SNX5: variants seen among roughly 807,000 people sequenced by gnomAD.
The protein encoded by SNX5 is sorting nexin 5, also known as sorting nexin-5.
In SNX5, 31 loss-of-function variants were observed where a neutral mutation model predicts 53.9. That is an observed-to-expected ratio of 0.58 (90% CI 0.43 to 0.78). The LOEUF (loss-of-function observed/expected upper bound fraction) is 0.78, where lower values mean the gene tolerates loss of function less well. SNX5 is among the 30% of genes least tolerant of loss of function. The probability of loss-of-function intolerance (pLI) is 0.00; values close to 1 mark genes in which losing one functional copy is unlikely to be tolerated. For synonymous variants in SNX5, 168 were observed against 171.1 expected (o/e 0.98, Z 0.14); for missense variants, 471 against 478.8 (o/e 0.98, Z 0.15).
intron 1 of SNX5, chr20:17,961,780 AG>A: frequency 1.0e-6 from 1 of 985,470 alleles, no homozygotes; most frequent in Non-Finnish European, 1.2e-6. Flanking sequence ...TAAGAAACTA[AG>A]ATTTTGCCAG....
Position 17,967,343 on chromosome 20 carries a change from C to CAAAAA in SNX5, c.51+1027_51+1031dup, listed in dbSNP as rs11471715. Among the ~76,000 whole-genome samples, 79 of 146,748 alleles carry CAAAAA rather than the reference C, an allele frequency of 5.4e-4. 1 individual carries two copies. The highest frequency in any genetic ancestry group is 1.9e-3 in the African/African-American group (75 of 40,044). ...CTTTGTTTTAGTAATAAAGAACTTTCAAAAAAAAAACCACTCTAAACAACA... is the reference window on the plus strand; with the variant it reads ...CTTTGTTTTAGTAATAAAGAACTTTCAAAAAAAAAAAAAAACCACTCTAAACAACA... On this transcript the variant is annotated intron_variant, in intron 1 of 12. Transcript: ENST00000377759.
intron 1 of SNX5, among the ~76,000 whole-genome samples, chr20:17,965,412 A>G (rs1283741568): frequency 1.3e-5 from 2 of 152,214 alleles, no homozygotes; most frequent in African/African-American, 4.8e-5. Flanking sequence ...CAGCTCAGAA[A>G]CAAATCTAGA....
In SNX5 at chr20:17,943,387, T is replaced by C. The variant is rs2039443899; in HGVS notation, c.1079-192A>G. 6.9e-5 allele frequency: 38 copies of C among 550,152 alleles called. 1 individual carries two copies. In the South Asian group the frequency reaches 7.7e-4, roughly 11 times the overall value. The allele number at this position is 550,152 out of a possible 1,614,324, so 34.1% of individuals were successfully genotyped here. ...TTAACTGTGGTGATACAGCTATCAC[T>C]GTCTTTAAGTGGAAAACATCACTGA... On this transcript the variant is annotated intron_variant, in intron 11 of 12. Transcript: ENST00000377759.
At chr20:17,968,270 T>TGGCGGCGAGC (rs1316144110) in intron 1 of SNX5, 105 bp downstream of exon 1, 11 of 983,250 alleles carry the variant, frequency 1.1e-5, no homozygotes, top group Middle Eastern at 3.6e-4. Flanking sequence ...GCGCTGGGGA[T>TGGCGGCGAGC]GGCGGCGAGC....
At chr20:17,944,908 GAACA>G (rs935715678) in intron 11 of SNX5, 14 of 152,162 alleles carry the variant, frequency 9.2e-5, no homozygotes, top group African/African-American at 3.4e-4. Flanking sequence ...TTGGAAATTG[GAACA>G]AACCAAGAAT....
intron 10 of SNX5, among the ~76,000 whole-genome samples, chr20:17,948,129 A>G (rs761300544): frequency 3.1e-4 from 47 of 152,242 alleles, no homozygotes; most frequent in Non-Finnish European, 5.1e-4. Context: ...ACAGAGTAGA[A>G]GTTACTTTAG....
chr20:17,950,342 T>C lies in SNX5; in HGVS notation c.664A>G (p.Arg222Gly). The part of the protein sequence containing the change: ...EKNFLINYYN[R>G]IKDSCVKADK... Reference sequence around the variant, plus strand: ...GCTTTCACACAAGAATCTTTGATCCTATTGTAATAGTTAATAAGGAAGTTC... The same window carrying C: ...GCTTTCACACAAGAATCTTTGATCCCATTGTAATAGTTAATAAGGAAGTTC... The change falls in exon 7 of 13, where the codon AGG becomes GGG. Residue 222 changes from arginine to glycine, a missense_variant. By Grantham distance (125) the Arg-to-Gly change is moderately radical. Transcript: ENST00000377759. The C allele has an allele frequency of 6.2e-7, 1 of 1,613,706 alleles. No homozygotes were observed. The highest frequency in any genetic ancestry group is 8.5e-7 in the Non-Finnish European group (1 of 1,179,576).
intron 11 of SNX5, 100 bp downstream of exon 11, chr20:17,947,386 G>A: frequency 7.7e-7 from 1 of 1,302,584 alleles, no homozygotes; most frequent in East Asian, 2.3e-5. Context: ...CTGACACTGG[G>A]TGAAGGATAC....
At chr20:17,950,025 G>T in intron 8 of SNX5, 107 bp downstream of exon 8, 2 of 893,558 alleles carry the variant, frequency 2.2e-6, no homozygotes, top group Non-Finnish European at 3.5e-6. Flanking sequence ...TACTGAGCTT[G>T]TAACTCCAGA....
intron 3 of SNX5, 81 bp from the exon 4 acceptor site, chr20:17,954,198 G>A: frequency 1.3e-6 from 2 of 1,567,338 alleles, no homozygotes; most frequent in East Asian, 2.3e-5. Context: ...ACTCTTGCTG[G>A]TCCACAGGAG....
chr20:17,944,471 G>A (rs1440581519), intron 11 of SNX5: 2 of 152,192 alleles, frequency 1.3e-5, no homozygotes, highest in Non-Finnish European at 2.9e-5. Flanking sequence ...ATCCAAAACA[G>A]TGAAAAACTG....
intron 11 of SNX5, chr20:17,943,464 G>A (rs750257053): frequency 2.0e-5 from 8 of 401,340 alleles, no homozygotes; most frequent in Admixed American, 1.2e-4. Flanking sequence ...TGGAGAACAC[G>A]TTGATGAGCA....
At position 17,947,621 on chromosome 20, in the gene SNX5, C is replaced by A. The variant is rs754185526; in HGVS notation, c.943G>T (p.Ala315Ser). The stretch of plus-strand genomic sequence containing the variant: ...TTTGAGTTCTCATAGTCAATGAGGG[C>A]TTTGGTGCGTCTGTATAAGAGATCC... The part of the protein sequence containing the change: ...AKDLLYRRTK[A>S]LIDYENSNKA... Residue 315 changes from alanine (A) to serine (S), a missense_variant, in exon 11 of 13, where the codon GCC becomes TCC. Transcript: ENST00000377759. 1 of 1,613,716 alleles carries A rather than the reference C, an allele frequency of 6.2e-7. No individual in the cohort carries two copies. Among genetic ancestry groups the A allele is most frequent in the Non-Finnish European group, 8.5e-7 (1 of 1,179,864 alleles).
chr20:17,942,299 T>A lies in SNX5; in HGVS notation c.*58A>T. Reference sequence around the variant, plus strand: ...ATATCTTCCGTGGTAATGATTTAAGTGCAAGTGATGCTTGGCTTTCTTTCA... The same window carrying A: ...ATATCTTCCGTGGTAATGATTTAAGAGCAAGTGATGCTTGGCTTTCTTTCA... On this transcript the variant is annotated 3_prime_UTR_variant, in exon 13 of 13. Transcript: ENST00000377759. 1 of 1,071,988 alleles carries A rather than the reference T, an allele frequency of 9.3e-7. No homozygotes were observed. The highest frequency in any genetic ancestry group is 2.4e-5 in the East Asian group (1 of 42,380). 66.4% of individuals were successfully genotyped at this position (1,071,988 alleles called of 1,614,324 possible).
intron 1 of SNX5, chr20:17,961,202 T>C (rs566107477): frequency 1.0e-6 from 1 of 985,440 alleles, no homozygotes; most frequent in African/African-American, 1.7e-5. Flanking sequence ...CCTGCAGCTG[T>C]TGAGCTCCTG....
At chr20:17,950,006 G>A (rs2039542027) in intron 8 of SNX5, 126 bp downstream of exon 8, 1 of 737,186 alleles carries the variant, frequency 1.4e-6, no homozygotes, top group African/African-American at 1.8e-5. Flanking sequence ...GAGTGCTAGA[G>A]ACTTGTCTTA....
At chr20:17,954,212 ACCACT>A (rs1302466419) in intron 3 of SNX5, 95 bp from the exon 4 acceptor site, 8 of 1,551,614 alleles carry the variant, frequency 5.2e-6, no homozygotes, top group African/African-American at 4.1e-5. Context: ...ACAGGAGACA[ACCACT>A]CCACTCCTGT....
chr20:17,947,108 G>A (rs1413116466), intron 11 of SNX5: 1 of 174,644 alleles, frequency 5.7e-6, no homozygotes, highest in Non-Finnish European at 1.2e-5. Flanking sequence ...GGATCTTGTA[G>A]AGGACATCAA....
intron 1 of SNX5, chr20:17,968,061 G>GA (rs930563703): frequency 1.0e-5 from 4 of 398,500 alleles, no homozygotes; most frequent in African/African-American, 2.1e-5. Flanking sequence ...CGAAGCCGAG[G>GA]AAAGTTTTAA....
Sources: gnomAD v4.1 joint callset for allele counts (sites outside exome capture counted in the v4.1 genomes callset) on GRCh38, gnomAD v4.1.1 for gene constraint, MANE v1.5 for transcripts, NCBI Gene and HGNC (gene_info 2026-07-23, HGNC 2026-07-21) for gene names.